KDM4C: variants seen among roughly 807,000 people sequenced by gnomAD.
KDM4C encodes lysine-specific demethylase 4C.
Under a neutral mutation model 129.3 loss-of-function variants are expected in KDM4C, and 81 were observed. The observed-to-expected ratio is 0.63, with a 90% CI of 0.52 to 0.75. The LOEUF is 0.75. KDM4C is among the 30% of genes least tolerant of loss of function. The pLI, the probability that KDM4C is intolerant of heterozygous loss-of-function variation, is 0.00. For missense variants in KDM4C, 1,457 were observed against 1,304.0 expected (o/e 1.12, Z -1.81); for synonymous variants, 573 against 456.1 (o/e 1.26, Z -3.26).
chr9:7,006,893 G>A (rs1317761330), intron 12 of KDM4C, among the ~76,000 whole-genome samples: 1 of 152,134 alleles, frequency 6.6e-6, no homozygotes, highest in African/African-American at 2.4e-5. Flanking sequence ...TGATCCAGGA[G>A]TTTCATCTAT....
At chr9:6,977,496 C>T (rs1053040698) in intron 8 of KDM4C, among the ~76,000 whole-genome samples, 2 of 152,138 alleles carry the variant, frequency 1.3e-5, no homozygotes, top group Non-Finnish European at 2.9e-5. Flanking sequence ...TAATACCAAG[C>T]TCTTATGTTA....
chr9:6,741,275 G>A (rs952852697), intron 1 of KDM4C, among the ~76,000 whole-genome samples: 19 of 151,764 alleles, frequency 1.3e-4, no homozygotes, highest in South Asian at 1.0e-3. Context: ...CGTGCGTGTA[G>A]TCCCAGCTAC....
intron 15 of KDM4C, among the ~76,000 whole-genome samples, chr9:7,031,624 C>T (rs552977783): frequency 4.6e-5 from 7 of 152,060 alleles, no homozygotes; most frequent in African/African-American, 1.7e-4. Context: ...TATATACACA[C>T]ACAGATACAT....
intron 12 of KDM4C, among the ~76,000 whole-genome samples, chr9:6,997,553 C>T (rs1324880742): frequency 1.4e-4 from 21 of 152,276 alleles, no homozygotes; most frequent in Admixed American, 1.2e-3. Flanking sequence ...CTTAGGCTGG[C>T]GATTCATGCC....
chr9:6,823,308 G>C (rs1470305198), intron 4 of KDM4C, among the ~76,000 whole-genome samples: 2 of 152,152 alleles, frequency 1.3e-5, no homozygotes, highest in Non-Finnish European at 2.9e-5. Flanking sequence ...CCAATGTTTT[G>C]CACCAAAAGG....
At chr9:7,046,787 AGAATATTTAGAT>A in intron 15 of KDM4C, 63 bp from the exon 16 acceptor site, 1 of 975,954 alleles carries the variant, frequency 1.0e-6, no homozygotes, top group South Asian at 1.3e-5. Context: ...AGGATCTCTG[AGAATATTTAGAT>A]GAATGGTAAT....
At chr9:7,056,913 T>A (rs1006403138) in intron 17 of KDM4C, among the ~76,000 whole-genome samples, 1 of 152,134 alleles carries the variant, frequency 6.6e-6, no homozygotes, top group African/African-American at 2.4e-5. Context: ...ACTGCCTGGG[T>A]CAATACCAAC....
intron 16 of KDM4C, among the ~76,000 whole-genome samples, chr9:7,047,399 A>T: frequency 6.6e-6 from 1 of 151,414 alleles, no homozygotes; most frequent in Non-Finnish European, 1.5e-5. Flanking sequence ...ATAGGGAGAA[A>T]ACATTGATGT....
At chr9:6,938,912 T>G (rs1273085543) in intron 8 of KDM4C, among the ~76,000 whole-genome samples, 1 of 152,136 alleles carries the variant, frequency 6.6e-6, no homozygotes, top group African/African-American at 2.4e-5. Flanking sequence ...TTATGAGGAA[T>G]GCATAGACCT....
intron 17 of KDM4C, among the ~76,000 whole-genome samples, chr9:7,077,603 C>A (rs921865450): frequency 6.6e-6 from 1 of 152,174 alleles, no homozygotes; most frequent in Non-Finnish European, 1.5e-5. Flanking sequence ...AACTGCTCAA[C>A]CATTTTGCTG....
intron 1 of KDM4C, among the ~76,000 whole-genome samples, chr9:6,730,968 C>T (rs1421121436): frequency 6.6e-6 from 1 of 152,146 alleles, no homozygotes; most frequent in African/African-American, 2.4e-5. Flanking sequence ...GCAGCTTGAC[C>T]AAAAGGACTC....
chr9:7,009,172 A>C (rs1020584890), intron 12 of KDM4C, among the ~76,000 whole-genome samples: 3 of 152,252 alleles, frequency 2.0e-5, no homozygotes, highest in Non-Finnish European at 4.4e-5. Context: ...AAACAAGTTG[A>C]GAATTTCAAC....
chr9:6,829,648 C>T (rs978461401), intron 4 of KDM4C, among the ~76,000 whole-genome samples: 1 of 152,190 alleles, frequency 6.6e-6, no homozygotes, highest in Non-Finnish European at 1.5e-5. Context: ...TGTCTCTACT[C>T]TTTCAGACAG....
chr9:6,800,449 G>T (rs1200420480), intron 2 of KDM4C, among the ~76,000 whole-genome samples: 3 of 151,924 alleles, frequency 2.0e-5, no homozygotes, highest in Non-Finnish European at 4.4e-5. Flanking sequence ...TGAGGTGGGA[G>T]GATTTCTTGA....
At chr9:7,042,507 G>A (rs1376939465) in intron 15 of KDM4C, among the ~76,000 whole-genome samples, 1 of 152,072 alleles carries the variant, frequency 6.6e-6, no homozygotes, top group African/African-American at 2.4e-5. Context: ...GTTATATGCT[G>A]TCGGGTAACA....
intron 4 of KDM4C, among the ~76,000 whole-genome samples, chr9:6,831,594 C>T (rs530543475): frequency 6.6e-6 from 1 of 152,060 alleles, no homozygotes; most frequent in African/African-American, 2.4e-5. Flanking sequence ...CCAGCCAACT[C>T]GGCCTCTAAA....
intron 1 of KDM4C, among the ~76,000 whole-genome samples, chr9:6,767,233 G>T (rs904567862): frequency 6.6e-6 from 1 of 151,896 alleles, no homozygotes; most frequent in Non-Finnish European, 1.5e-5. Flanking sequence ...CCGCCTCCTG[G>T]GTTCACGCCA....
intron 1 of KDM4C, among the ~76,000 whole-genome samples, chr9:6,734,419 C>A (rs958904212): frequency 6.6e-6 from 1 of 151,710 alleles, no homozygotes; most frequent in Non-Finnish European, 1.5e-5. Context: ...CTCAGCCTCC[C>A]GAGTAGCTGG....
intron 20 of KDM4C, among the ~76,000 whole-genome samples, chr9:7,167,642 A>G (rs1377206721): frequency 6.6e-6 from 1 of 152,220 alleles, no homozygotes; most frequent in Non-Finnish European, 1.5e-5. Context: ...TAGCTTATTC[A>G]AAATGCTAAC....
Sources: gnomAD v4.1 joint callset for allele counts (sites outside exome capture counted in the v4.1 genomes callset) on GRCh38, gnomAD v4.1.1 for gene constraint, MANE v1.5 for transcripts, NCBI Gene and HGNC (gene_info 2026-07-23, HGNC 2026-07-21) for gene names.